PRRC2B: variants seen among roughly 807,000 people sequenced by gnomAD.
PRRC2B encodes the protein protein PRRC2B.
Under a neutral mutation model 242.3 loss-of-function variants are expected in PRRC2B, and 68 were observed. The observed-to-expected ratio is 0.28, with a 90% confidence interval of 0.23 to 0.34. The LOEUF (loss-of-function observed/expected upper bound fraction) is 0.34. Among genes scored for constraint, PRRC2B ranks in the 10% least tolerant of loss-of-function variants. The pLI is 1.00. For missense variants in PRRC2B, 2,835 were observed against 2,954.8 expected (o/e 0.96, Z 0.94); for synonymous variants, 1,228 against 1,173.6 (o/e 1.05, Z -0.95).
intron 18 of PRRC2B, 30 bp downstream of exon 18, chr9:131,478,649 G>GGCC: frequency 5.9e-6 from 3 of 504,544 alleles, no homozygotes; most frequent in East Asian, 5.1e-5. Flanking sequence ...GGGGCATGGG[G>GGCC]CTGGAGGGCA....
intron 1 of PRRC2B, among the ~76,000 whole-genome samples, chr9:131,412,796 TC>T (rs1444690574): frequency 8.2e-5 from 9 of 109,982 alleles, no homozygotes; most frequent in South Asian, 3.7e-4. Context: ...TCTCTCTCTC[TC>T]TTTTTTTTTT....
intron 1 of PRRC2B, among the ~76,000 whole-genome samples, chr9:131,409,722 G>A (rs1837456645): frequency 6.6e-6 from 1 of 152,094 alleles, no homozygotes; most frequent in South Asian, 2.1e-4. Context: ...GTGCACCCTG[G>A]CTCCTGGTAT....
intron 1 of PRRC2B, among the ~76,000 whole-genome samples, chr9:131,376,735 T>C (rs1015668848): frequency 1.3e-5 from 2 of 152,106 alleles, no homozygotes; most frequent in African/African-American, 4.8e-5. Context: ...AAATAAACTT[T>C]TGTGCTGGTG....
Position 131,487,835 on chromosome 9 carries a change from C to G in PRRC2B, c.5985-21C>G. On this transcript the variant is annotated intron_variant, in intron 27 of 31. Coordinates refer to ENST00000683519, the MANE Select transcript of PRRC2B (RefSeq NM_013318.4). This position sits in a 1 kb window ranked among gnomAD's most constrained non-coding sequence, Gnocchi z 5.3. ...GCTGGACTCATCCACCTGATCCCGA[C>G]CATCTGTCTGGCTTTTGCAGATCTC... 1 of 1,596,686 alleles carries G rather than the reference C, an allele frequency of 6.3e-7. No homozygotes were observed. Among genetic ancestry groups the G allele is most frequent in the Middle Eastern group, 1.7e-4 (1 of 6,008 alleles).
At chr9:131,448,543 C>CAAAAAAAAAAAAAAAAAACAAAAAAA (rs1838885117) in intron 9 of PRRC2B, among the ~76,000 whole-genome samples, 1 of 39,874 alleles carries the variant, frequency 2.5e-5, no homozygotes, top group Non-Finnish European at 5.3e-5. Flanking sequence ...GACACTGTCT[C>CAAAAAAAAAAAAAAAAAACAAAAAAA]AAAAAAAAAA....
chr9:131,420,493 C>CGTTCG (rs1554758635), intron 1 of PRRC2B, among the ~76,000 whole-genome samples: 4 of 30,166 alleles, frequency 1.3e-4, no homozygotes, highest in African/African-American at 4.3e-4. Flanking sequence ...TTCTTTCTTT[C>CGTTCG]TTTTTTTTTT....
intron 16 of PRRC2B, among the ~76,000 whole-genome samples, chr9:131,477,065 C>T (rs1943725399): frequency 6.6e-6 from 1 of 152,200 alleles, no homozygotes; most frequent in Non-Finnish European, 1.5e-5. Flanking sequence ...GCAGGCTGCA[C>T]ATGGTCTGGC....
intron 1 of PRRC2B, among the ~76,000 whole-genome samples, chr9:131,405,721 G>C (rs181746185): frequency 1.2e-4 from 18 of 152,212 alleles, no homozygotes; most frequent in African/African-American, 2.9e-4. Context: ...CTGGCTCCTG[G>C]GGGGGTTATT....
Position 131,475,201 on chromosome 9 carries a change from G to A in PRRC2B, c.3072G>A (p.Glu1024=). ...AGGCCACCAAATTTGAAGAGGAGGA[G>A]AAACCTGACAAGGCCTGGGAAGCCA... The part of the protein sequence containing the change: ...GREATKFEEE[E]KPDKAWEARP... Residue 1024 remains glutamate (E), a synonymous_variant, in exon 16 of 32, where the codon GAG becomes GAA. Transcript: ENST00000683519. 6.2e-7 allele frequency: 1 copy of A among 1,613,778 alleles called. No homozygotes were observed. Among genetic ancestry groups the A allele is most frequent in the Non-Finnish European group, 8.5e-7 (1 of 1,179,852 alleles).
intron 1 of PRRC2B, among the ~76,000 whole-genome samples, chr9:131,398,213 G>C (rs974873882): frequency 2.0e-5 from 3 of 152,230 alleles, no homozygotes; most frequent in African/African-American, 4.8e-5. Context: ...CGATATTACT[G>C]TTTATACCTC....
At chr9:131,481,856 G>A (rs1275464789) in intron 20 of PRRC2B, 48 bp downstream of exon 20, 7 of 1,491,884 alleles carry the variant, frequency 4.7e-6, no homozygotes, top group South Asian at 1.2e-5. Flanking sequence ...GAGTGTGTGA[G>A]TGTGTGCTCA....
chr9:131,429,354 A>G (rs2131321175), intron 1 of PRRC2B, among the ~76,000 whole-genome samples: 1 of 152,328 alleles, frequency 6.6e-6, no homozygotes, highest in South Asian at 2.1e-4. Flanking sequence ...AGAAAGTGGC[A>G]GAGGAGGGAA....
chr9:131,456,904 C>G (rs971355033), intron 10 of PRRC2B, among the ~76,000 whole-genome samples: 1 of 152,156 alleles, frequency 6.6e-6, no homozygotes, highest in African/African-American at 2.4e-5. Flanking sequence ...TTGTATAATG[C>G]CTGTTTCCTT....
At chr9:131,404,483 A>G (rs1266432036) in intron 1 of PRRC2B, among the ~76,000 whole-genome samples, 2 of 152,068 alleles carry the variant, frequency 1.3e-5, no homozygotes, top group African/African-American at 2.4e-5. Context: ...CAGCCTCCCA[A>G]AGTGCTGGGA....
chr9:131,429,443 C>T (rs887628045), intron 1 of PRRC2B, among the ~76,000 whole-genome samples: 3 of 152,230 alleles, frequency 2.0e-5, no homozygotes, highest in Non-Finnish European at 4.4e-5. Flanking sequence ...TGTGGTCTCT[C>T]CCTTGCTAGC....
intron 14 of PRRC2B, among the ~76,000 whole-genome samples, chr9:131,471,974 T>C (rs1943559355): frequency 2.0e-5 from 3 of 152,236 alleles, no homozygotes; most frequent in Admixed American, 2.0e-4. Context: ...AAATCTTCTT[T>C]GGGAGCCTGT....
intron 1 of PRRC2B, among the ~76,000 whole-genome samples, chr9:131,412,241 G>A (rs1837526606): frequency 1.3e-5 from 2 of 152,188 alleles, no homozygotes; most frequent in African/African-American, 4.8e-5. Context: ...TACTTTCATT[G>A]TGGGTGGTCC....
At chr9:131,481,684 G>T (rs1167385359) in intron 19 of PRRC2B, 42 bp from the exon 20 acceptor site, 3 of 1,464,340 alleles carry the variant, frequency 2.0e-6, no homozygotes, top group Non-Finnish European at 1.9e-6. Flanking sequence ...CTCTAGACGG[G>T]TTGCTCTTTG....
At chr9:131,385,243 A>C (rs915023790) in intron 1 of PRRC2B, among the ~76,000 whole-genome samples, 8 of 149,386 alleles carry the variant, frequency 5.4e-5, no homozygotes, top group African/African-American at 9.7e-5. Flanking sequence ...TGGGAGGCTG[A>C]GGCAGGAGAA....
Sources: gnomAD v4.1 joint callset for allele counts (sites outside exome capture counted in the v4.1 genomes callset) on GRCh38, gnomAD v4.1.1 for gene constraint, Gnocchi (gnomAD v3.1) non-coding constraint, MANE v1.5 for transcripts, NCBI Gene and HGNC (gene_info 2026-07-23, HGNC 2026-07-21) for gene names.